Variants in NOX4 observed in about 807,000 individuals in gnomAD.
The protein encoded by NOX4 is kidney oxidase-1.
NOX4 carries 69 observed loss-of-function variants against 87.6 expected under a neutral mutation model. The ratio of observed to expected loss-of-function variants is 0.79; its 90% CI spans 0.65 to 0.96. NOX4 has a LOEUF of 0.96. NOX4 is among the 40% of genes least tolerant of loss of function. The pLI is 0.00. For synonymous variants in NOX4, 275 were observed against 238.2 expected (o/e 1.15, Z -1.42); for missense variants, 680 against 681.5 (o/e 1.00, Z 0.02).
the NOX4 span, among the ~76,000 whole-genome samples, chr11:89,550,871 C>T: frequency 6.6e-6 from 1 of 151,318 alleles, no homozygotes; most frequent in East Asian, 1.9e-4. Context: ...TTTGCCCATG[C>T]CCATGGTATT....
At chr11:89,403,717 T>C (rs1462013279) in intron 8 of NOX4, among the ~76,000 whole-genome samples, 1 of 152,146 alleles carries the variant, frequency 6.6e-6, no homozygotes, top group African/African-American at 2.4e-5. Flanking sequence ...CACTCCAGCC[T>C]GGACAATAAG....
chr11:89,385,220 G>T (rs1037453073), intron 11 of NOX4, among the ~76,000 whole-genome samples: 1 of 152,098 alleles, frequency 6.6e-6, no homozygotes, highest in Non-Finnish European at 1.5e-5. Flanking sequence ...ACTATGCAAG[G>T]TTCCTCCATC....
the NOX4 span, among the ~76,000 whole-genome samples, chr11:89,584,544 C>T: frequency 1.3e-5 from 2 of 152,132 alleles, no homozygotes; most frequent in African/African-American, 4.8e-5. Context: ...TACTGCTGAG[C>T]TTTGACAGTT....
the NOX4 span, chr11:89,577,455 G>A: frequency 3.3e-5 from 5 of 152,124 alleles, no homozygotes; most frequent in Non-Finnish European, 5.9e-5. Flanking sequence ...ATCCAAACAA[G>A]AGTTACTATT....
chr11:89,481,923 G>A (rs1591361066), intron 2 of NOX4, among the ~76,000 whole-genome samples: 1 of 152,096 alleles, frequency 6.6e-6, no homozygotes, highest in South Asian at 2.1e-4. Context: ...GGCCTCAGTG[G>A]TGTGCAAGGT....
At chr11:89,503,122 C>T (rs1187741215), upstream of NOX4, among the ~76,000 whole-genome samples, 4 of 151,944 alleles carry the variant, frequency 2.6e-5, no homozygotes, top group African/African-American at 4.8e-5. Flanking sequence ...AGTAAGTGTT[C>T]GATAAATGTG....
chr11:89,404,004 G>A (rs1190540844), intron 8 of NOX4, among the ~76,000 whole-genome samples: 3 of 151,870 alleles, frequency 2.0e-5, no homozygotes, highest in East Asian at 3.9e-4. Context: ...TACATGTCAG[G>A]GGCATGCATT....
chr11:89,576,466 T>TA, the NOX4 span, among the ~76,000 whole-genome samples: 18 of 152,336 alleles, frequency 1.2e-4, no homozygotes, highest in East Asian at 2.5e-3. Context: ...AATCATACGA[T>TA]AAAAAAGCTA....
At chr11:89,480,960 T>C (rs906870617) in intron 2 of NOX4, among the ~76,000 whole-genome samples, 2 of 152,084 alleles carry the variant, frequency 1.3e-5, no homozygotes, top group Non-Finnish European at 2.9e-5. Flanking sequence ...CATAGCCAAA[T>C]TGCCACAAAC....
At chr11:89,393,643 T>G (rs1378303295) in intron 11 of NOX4, among the ~76,000 whole-genome samples, 1 of 152,178 alleles carries the variant, frequency 6.6e-6, no homozygotes, top group Non-Finnish European at 1.5e-5. Flanking sequence ...TAATAATATC[T>G]GTATTACCAA....
At chr11:89,373,655 T>C (rs1394726016) in intron 11 of NOX4, among the ~76,000 whole-genome samples, 163 bp from the exon 12 acceptor site, 2 of 151,738 alleles carry the variant, frequency 1.3e-5, no homozygotes, top group Admixed American at 6.6e-5. Flanking sequence ...GAAAAAAAAA[T>C]CAATGTCAAC....
chr11:89,513,499 T>C, the NOX4 span, among the ~76,000 whole-genome samples: 1 of 151,974 alleles, frequency 6.6e-6, no homozygotes, highest in South Asian at 2.1e-4. Flanking sequence ...ATTAAGGTAT[T>C]TATTTATAAT....
chr11:89,587,524 C>A, the NOX4 span, among the ~76,000 whole-genome samples: 1 of 151,892 alleles, frequency 6.6e-6, no homozygotes, highest in African/African-American at 2.4e-5. Flanking sequence ...GGGAGGAAAA[C>A]TACCAGGGCA....
the NOX4 span, among the ~76,000 whole-genome samples, chr11:89,561,235 A>AATAT: frequency 2.0e-5 from 3 of 151,070 alleles, no homozygotes; most frequent in African/African-American, 7.3e-5. Context: ...TCAGTAGGCA[A>AATAT]ATATATAATG....
Position 89,381,693 on chromosome 11 carries a change from C to CGG in NOX4, c.1075-8203_1075-8202dup, listed in dbSNP as rs36071374. Among the ~76,000 whole-genome samples the CGG allele has an allele frequency of 4.6e-5, 7 of 152,000 alleles. No individual in the cohort carries two copies. In the East Asian group the frequency reaches 1.4e-3, roughly 30 times the overall value. The stretch of plus-strand genomic sequence containing the variant: ...TGAAATTTGGTGCTGTGATTTGGAT[C>CGG]GGGGGGACCTCCCTTGGGAGATCAA... On this transcript the variant is annotated intron_variant, in intron 11 of 17. Transcript: ENST00000263317.
the NOX4 span, among the ~76,000 whole-genome samples, chr11:89,578,382 T>C: frequency 6.6e-6 from 1 of 152,104 alleles, no homozygotes; most frequent in Non-Finnish European, 1.5e-5. Context: ...GGATGGTCCC[T>C]ATCTCTTGAC....
intron 8 of NOX4, among the ~76,000 whole-genome samples, chr11:89,416,790 GA>G (rs1020155532): frequency 1.3e-5 from 2 of 151,652 alleles, no homozygotes; most frequent in Admixed American, 6.6e-5. Context: ...AGATTTCCTA[GA>G]AAAAAAATGA....
At chr11:89,375,999 C>T (rs1591058309) in intron 11 of NOX4, among the ~76,000 whole-genome samples, 1 of 152,174 alleles carries the variant, frequency 6.6e-6, no homozygotes, top group African/African-American at 2.4e-5. Context: ...TATCTCTATT[C>T]AATTATTTCA....
chr11:89,340,262 T>G, intron 14 of NOX4, 91 bp from the exon 15 acceptor site: 1 of 805,710 alleles, frequency 1.2e-6, no homozygotes, highest in Admixed American at 2.6e-5. Flanking sequence ...TTTTCATTAG[T>G]AAGCAACCAA....
Sources: gnomAD v4.1 joint callset for allele counts (sites outside exome capture counted in the v4.1 genomes callset) on GRCh38, gnomAD v4.1.1 for gene constraint, MANE v1.5 for transcripts, NCBI Gene and HGNC (gene_info 2026-07-23, HGNC 2026-07-21) for gene names.